UIMC1: variants seen among roughly 807,000 people sequenced by gnomAD.
UIMC1 encodes the protein BRCA1-A complex subunit RAP80.
A neutral mutation model predicts 84.9 loss-of-function variants in UIMC1; 42 were observed. That is an observed-to-expected ratio of 0.49 (90% confidence interval 0.39 to 0.64). The LOEUF is 0.64. UIMC1 is among the 30% of genes least tolerant of loss of function. The pLI is 0.00. For missense variants in UIMC1, 825 were observed against 847.6 expected (o/e 0.97, Z 0.33); for synonymous variants, 281 against 293.0 (o/e 0.96, Z 0.42).
intron 1 of UIMC1, among the ~76,000 whole-genome samples, chr5:176,985,085 C>G (rs1192908472): frequency 6.6e-6 from 1 of 151,240 alleles, no homozygotes; most frequent in Non-Finnish European, 1.5e-5. Context: ...CAAGAATGAT[C>G]AATAAATACA....
At chr5:176,984,877 A>C (rs1016600766) in intron 1 of UIMC1, among the ~76,000 whole-genome samples, 4 of 152,184 alleles carry the variant, frequency 2.6e-5, no homozygotes, top group African/African-American at 9.6e-5. Flanking sequence ...CTTTGTTAAA[A>C]AGATGCTTGA....
At chr5:176,972,659 C>T (rs1769429462) in intron 3 of UIMC1, among the ~76,000 whole-genome samples, 1 of 152,046 alleles carries the variant, frequency 6.6e-6, no homozygotes, top group African/African-American at 2.4e-5. Flanking sequence ...TCGCTTAAAC[C>T]CGGGAGGCGG....
chr5:176,943,455 C>G lies in UIMC1; in HGVS notation c.1477G>C (p.Ala493Pro). The G allele has an allele frequency of 6.2e-7, 1 of 1,614,072 alleles. No individual in the cohort carries two copies. The highest frequency in any genetic ancestry group is 8.5e-7 in the Non-Finnish European group (1 of 1,179,984). ...TTACTGGATGAGAAGGTAGAAATAG[C>G]TACTTCCTTCTCAGCATCTTCCTTG... is the stretch of plus-strand genomic sequence containing the variant. ...GNKEDAEKEVAISTFSSSNQV... is the reference protein window; with the variant it reads ...GNKEDAEKEVPISTFSSSNQV... Residue 493 changes from alanine to proline, a missense_variant, in exon 10 of 15, where the codon GCT (alanine) becomes CCT (proline). By Grantham distance (27) the Ala-to-Pro change is conservative (BLOSUM62 -1). Coordinates refer to ENST00000511320, the MANE Select transcript of UIMC1 (RefSeq NM_001199298.2).
intron 1 of UIMC1, among the ~76,000 whole-genome samples, chr5:176,998,399 G>A (rs540614091): frequency 2.5e-4 from 34 of 138,032 alleles, no homozygotes; most frequent in Non-Finnish European, 5.1e-4. Flanking sequence ...AGGAGGCAAA[G>A]GTTGCACTAA....
At chr5:177,019,027 G>A (rs1775732559) in intron 1 of UIMC1, among the ~76,000 whole-genome samples, 1 of 152,110 alleles carries the variant, frequency 6.6e-6, no homozygotes, top group African/African-American at 2.4e-5. Context: ...GAACTCTTAA[G>A]ATAAATAAGT....
chr5:176,939,529 C>A (rs183981393), intron 10 of UIMC1, among the ~76,000 whole-genome samples: 2 of 152,226 alleles, frequency 1.3e-5, no homozygotes, highest in East Asian at 3.9e-4. Context: ...TACACAAATA[C>A]CATTGTGTTA....
At chr5:177,012,448 G>A (rs6874617) in intron 1 of UIMC1, among the ~76,000 whole-genome samples, 21,594 of 152,014 alleles carry the variant, frequency 0.14, 3,293 homozygotes, top group African/African-American at 0.38. Flanking sequence ...CTGCAATCCC[G>A]GCACTTTGGG....
chr5:176,977,146 C>CCGG, intron 2 of UIMC1, among the ~76,000 whole-genome samples: 1 of 151,144 alleles, frequency 6.6e-6, no homozygotes, highest in South Asian at 2.1e-4. Context: ...TCACTTGAAC[C>CCGG]CGGGAGGCAG....
chr5:176,958,977 C>G (rs1330175016), intron 6 of UIMC1, among the ~76,000 whole-genome samples: 1 of 152,210 alleles, frequency 6.6e-6, no homozygotes, highest in African/African-American at 2.4e-5. Flanking sequence ...CTGAAGTTTT[C>G]AAGGTTTCCT....
At chr5:176,986,543 A>C (rs1184645007) in intron 1 of UIMC1, among the ~76,000 whole-genome samples, 2 of 148,768 alleles carry the variant, frequency 1.3e-5, no homozygotes, top group Non-Finnish European at 3.0e-5. Flanking sequence ...GTCTCCAAAA[A>C]AAAAAAAAAA....
At chr5:176,955,932 T>C in intron 8 of UIMC1, 27 bp downstream of exon 8, 2 of 1,606,198 alleles carry the variant, frequency 1.2e-6, no homozygotes, top group Non-Finnish European at 1.7e-6. Flanking sequence ...TATCAGAAAT[T>C]CAGTAAAATC....
chr5:177,004,235 G>A (rs1034637515), intron 1 of UIMC1, among the ~76,000 whole-genome samples: 4 of 152,126 alleles, frequency 2.6e-5, no homozygotes, highest in African/African-American at 9.7e-5. Flanking sequence ...GGCTCAAGGT[G>A]GGTTTTCAAA....
upstream of UIMC1, among the ~76,000 whole-genome samples, chr5:177,010,311 G>A (rs1395618968): frequency 6.6e-6 from 1 of 152,150 alleles, no homozygotes; most frequent in Non-Finnish European, 1.5e-5. Context: ...ATAATGTAAG[G>A]TCCATGAGAA....
rs541315042 is a variant in UIMC1, at chr5:176,998,383, G to T, written c.-9+8267C>A. Reference sequence around the variant, plus strand: ...AGTGGCTCAGGCACAAGAATCACTTGAACCCAGGAGGCAAAGGTTGCACTA... The same window carrying T: ...AGTGGCTCAGGCACAAGAATCACTTTAACCCAGGAGGCAAAGGTTGCACTA... On this transcript the variant is annotated intron_variant, in intron 1 of 14. Transcript: ENST00000511320. 2.0e-3 allele frequency among the ~76,000 whole-genome samples: 286 copies of T among 146,552 alleles called. 1 individual carries two copies. The Middle Eastern group carries it at 0.029, about 15-fold the overall frequency.
In UIMC1 at chr5:176,969,710, A is replaced by C; in HGVS notation, c.358-4T>G. 1 of 1,613,894 alleles carries C rather than the reference A, an allele frequency of 6.2e-7. No homozygotes were observed. Among genetic ancestry groups the C allele is most frequent in the Non-Finnish European group, 8.5e-7 (1 of 1,179,810 alleles). On this transcript the variant is annotated splice_polypyrimidine_tract_variant and splice_region_variant and intron_variant, in intron 4 of 14. Coordinates refer to ENST00000511320, the MANE Select transcript of UIMC1 (RefSeq NM_001199298.2). ...AAGCATCAGAAGGCCGGCAACTCTGAAACAAGTGATCCCATACCAGACCAG... is the reference window on the plus strand; with the variant it reads ...AAGCATCAGAAGGCCGGCAACTCTGCAACAAGTGATCCCATACCAGACCAG...
intron 2 of UIMC1, among the ~76,000 whole-genome samples, chr5:176,982,154 T>C (rs1771158863): frequency 1.3e-5 from 2 of 152,248 alleles, no homozygotes; most frequent in South Asian, 2.1e-4. Flanking sequence ...CATTCACGTG[T>C]TTTTCCTCTC....
intron 1 of UIMC1, among the ~76,000 whole-genome samples, chr5:177,003,481 C>T (rs376250402): frequency 2.0e-5 from 3 of 152,028 alleles, no homozygotes; most frequent in Non-Finnish European, 2.9e-5. Flanking sequence ...GGTGAAACCC[C>T]GTCTCTACTA....
intron 2 of UIMC1, among the ~76,000 whole-genome samples, chr5:176,976,805 A>G (rs1770145702): frequency 6.6e-6 from 1 of 152,258 alleles, no homozygotes; most frequent in Non-Finnish European, 1.5e-5. Flanking sequence ...GCTAATGAAA[A>G]TGGGTTTTTT....
At chr5:176,909,571 G>GC (rs1759844764) in intron 11 of UIMC1, among the ~76,000 whole-genome samples, 1 of 152,138 alleles carries the variant, frequency 6.6e-6, no homozygotes, top group African/African-American at 2.4e-5. Flanking sequence ...TCCAAAGCAT[G>GC]CTATCTTGGA....
Sources: gnomAD v4.1 joint callset for allele counts (sites outside exome capture counted in the v4.1 genomes callset) on GRCh38, gnomAD v4.1.1 for gene constraint, MANE v1.5 for transcripts, NCBI Gene and HGNC (gene_info 2026-07-23, HGNC 2026-07-21) for gene names.